Variants in ANGPT2 observed in about 807,000 individuals in gnomAD.
The protein encoded by ANGPT2 is angiopoietin-2.
In ANGPT2, 28 loss-of-function variants were observed where a neutral mutation model predicts 62.9. The observed-to-expected ratio is 0.44, with a 90% CI of 0.33 to 0.61. The LOEUF (loss-of-function observed/expected upper bound fraction) is 0.61, where lower values mean the gene tolerates loss of function less well. Ranked by LOEUF, ANGPT2 falls within the 20% of genes least tolerant of loss-of-function variation. The pLI, the probability that ANGPT2 is intolerant of heterozygous loss-of-function variation, is 0.03. For missense variants in ANGPT2, 727 were observed against 594.9 expected, an observed-to-expected ratio of 1.22 and a Z score of -2.31; for synonymous variants, 284 against 207.8, an observed-to-expected ratio of 1.37 and a Z score of -3.15.
Position 6,501,874 on chromosome 8 carries a change from G to T in ANGPT2, c.*1227C>A, listed in dbSNP as rs1812264715. ...CCCAGCCCTGTGTTCTCAAATTTTT[G>T]GTAAATATTTAAATATATTATGAAC... On this transcript the variant is annotated 3_prime_UTR_variant, in exon 9 of 9. Transcript: ENST00000629816. The T allele has an allele frequency of 6.6e-6, 1 of 150,710 alleles. No individual in the cohort carries two copies. The highest frequency in any genetic ancestry group is 2.4e-5 in the African/African-American group (1 of 41,048). The allele number at this position is 150,710 out of a possible 1,614,324, so 9.3% of individuals were successfully genotyped here.
At chr8:6,542,421 C>A (rs1476232358) in intron 1 of ANGPT2, among the ~76,000 whole-genome samples, 1 of 151,996 alleles carries the variant, frequency 6.6e-6, no homozygotes, top group Middle Eastern at 3.4e-3. Context: ...CATTCCAAAG[C>A]TTGGTGGGCA....
intron 1 of ANGPT2, among the ~76,000 whole-genome samples, chr8:6,560,657 T>A (rs757037763): frequency 1.8e-4 from 27 of 152,204 alleles, no homozygotes; most frequent in Non-Finnish European, 3.8e-4. Context: ...AAGACGGACT[T>A]TTGAAATACC....
chr8:6,520,130 C>G (rs968048456), intron 4 of ANGPT2, 139 bp from the exon 5 acceptor site: 15 of 940,824 alleles, frequency 1.6e-5, no homozygotes, highest in Non-Finnish European at 2.3e-5. Flanking sequence ...CTTTTTTAAC[C>G]TTTCTAGAAA....
Position 6,554,635 on chromosome 8 carries a change from G to A in ANGPT2, c.288+8012C>T, listed in dbSNP as rs372306892. On this transcript the variant is annotated intron_variant, in intron 1 of 8. Transcript: ENST00000629816. ...ATATCAACTATGAATATTTTGTGGTGGTAAGTTGTCAGGTTAATGTAAAGA... is the reference window on the plus strand; with the variant it reads ...ATATCAACTATGAATATTTTGTGGTAGTAAGTTGTCAGGTTAATGTAAAGA... 4.6e-5 allele frequency among the ~76,000 whole-genome samples: 7 copies of A among 152,258 alleles called. No individual in the cohort carries two copies. The East Asian group carries it at 1.4e-3, about 29-fold the overall frequency.
intron 2 of ANGPT2, among the ~76,000 whole-genome samples, chr8:6,528,104 C>T (rs903189582): frequency 3.3e-5 from 5 of 152,068 alleles, no homozygotes; most frequent in South Asian, 2.1e-4. Context: ...ACCATGTTGG[C>T]CAGGCTGGTC....
intron 1 of ANGPT2, among the ~76,000 whole-genome samples, chr8:6,543,042 T>G (rs1821895683): frequency 6.6e-6 from 1 of 152,172 alleles, no homozygotes; most frequent in South Asian, 2.1e-4. Flanking sequence ...TTGAGAAATC[T>G]CACAGCAGGG....
Position 6,563,198 on chromosome 8 carries a change from G to A in ANGPT2, c.-264C>T, listed in dbSNP as rs774354759. ...GGGCTGTGTCAGCTTTTACAGAGCA[G>A]CTTTCACGGTCCTTTGTTCCTCTCT... On this transcript the variant is annotated 5_prime_UTR_variant, in exon 1 of 9. Transcript: ENST00000629816. 5.7e-5 allele frequency: 18 copies of A among 315,364 alleles called. No individual in the cohort carries two copies. Among genetic ancestry groups the A allele is most frequent in the Non-Finnish European group, 9.0e-5 (15 of 166,254 alleles). The allele number at this position is 315,364 out of a possible 1,614,324, so 19.5% of individuals were successfully genotyped here.
At chr8:6,534,346 A>G (rs1415883031) in intron 1 of ANGPT2, among the ~76,000 whole-genome samples, 1 of 151,940 alleles carries the variant, frequency 6.6e-6, no homozygotes, top group African/African-American at 2.4e-5. Flanking sequence ...GGATGTGTAT[A>G]GGTTATATGC....
At chr8:6,520,140 AG>A in intron 4 of ANGPT2, 149 bp from the exon 5 acceptor site, 1 of 856,108 alleles carries the variant, frequency 1.2e-6, no homozygotes, top group Non-Finnish European at 1.7e-6. Flanking sequence ...CTTTCTAGAA[AG>A]TTTCCTTTCA....
intron 3 of ANGPT2, among the ~76,000 whole-genome samples, chr8:6,524,060 T>C (rs1817885329): frequency 6.6e-6 from 1 of 152,218 alleles, no homozygotes; most frequent in Non-Finnish European, 1.5e-5. Flanking sequence ...TTTCAAAATA[T>C]AGACACTTTT....
rs538987338 is a variant in ANGPT2, at chr8:6,542,799, TTTTTTC to T, written c.289-10318_289-10313del. Reference sequence around the variant, plus strand: ...CATGATCATCTCTGAAGTGGGCAGTTTTTTTCTTTTTCCAATAAACTGAATTTACTT... The same window carrying T: ...CATGATCATCTCTGAAGTGGGCAGTTTTTTTCCAATAAACTGAATTTACTT... On this transcript the variant is annotated intron_variant, in intron 1 of 8. Transcript: ENST00000629816. Among the ~76,000 whole-genome samples the T allele has an allele frequency of 2.3e-4, 35 of 152,226 alleles. 1 individual carries two copies. In the South Asian group the frequency reaches 7.3e-3, roughly 32 times the overall value.
At chr8:6,506,939 C>A (rs1813848305) in intron 8 of ANGPT2, among the ~76,000 whole-genome samples, 1 of 151,752 alleles carries the variant, frequency 6.6e-6, no homozygotes, top group Non-Finnish European at 1.5e-5. Flanking sequence ...CTCTTGTCGT[C>A]CAGGCTGGAT....
chr8:6,522,471 T>C (rs1586336483), intron 3 of ANGPT2, among the ~76,000 whole-genome samples: 1 of 151,734 alleles, frequency 6.6e-6, no homozygotes, highest in East Asian at 2.0e-4. Context: ...AATGAGGAAA[T>C]TGAAACTTAG....
At chr8:6,505,306 TA>T (rs1813210149) in intron 8 of ANGPT2, among the ~76,000 whole-genome samples, 1 of 55,108 alleles carries the variant, frequency 1.8e-5, no homozygotes, top group African/African-American at 9.3e-5. Flanking sequence ...TATATATGTA[TA>T]TAACATATAT....
chr8:6,529,623 A>AT (rs35322987), intron 2 of ANGPT2, among the ~76,000 whole-genome samples: 34,426 of 120,874 alleles, frequency 0.28, 5,183 homozygotes, highest in Middle Eastern at 0.36. Context: ...CGCCTGGCTA[A>AT]TTTTTTTTTT....
intron 2 of ANGPT2, among the ~76,000 whole-genome samples, chr8:6,531,300 T>C (rs1819466493): frequency 6.6e-6 from 1 of 151,614 alleles, no homozygotes; most frequent in Non-Finnish European, 1.5e-5. Flanking sequence ...TTTCTTTTTT[T>C]TTTTTTGAGT....
chr8:6,527,607 T>G lies in ANGPT2; in HGVS notation c.514A>C (p.Lys172Gln). The change falls in exon 3 of 9, where the codon AAA becomes CAA. Residue 172 changes from lysine (K) to glutamine (Q), a missense_variant. Coordinates refer to ENST00000629816, the MANE Select transcript of ANGPT2 (RefSeq NM_001118887.2). ...EHSLSTNKLE[K>Q]QILDQTSEIN... is the part of the protein sequence containing the mutation. ...TCACTGGTCTGGTCCAAAATCTGTTTTTCCAATTTGTTTGTCGAGAGGGAG... is the reference window on the plus strand; with the variant it reads ...TCACTGGTCTGGTCCAAAATCTGTTGTTCCAATTTGTTTGTCGAGAGGGAG... 6.2e-7 allele frequency: 1 copy of G among 1,614,112 alleles called. No homozygotes were observed. Among genetic ancestry groups the G allele is most frequent in the Non-Finnish European group, 8.5e-7 (1 of 1,179,996 alleles).
At position 6,503,169 on chromosome 8, in the gene ANGPT2, A is replaced by T; in HGVS notation, c.1420T>A (p.Tyr474Asn). 1 of 1,614,152 alleles carries T rather than the reference A, an allele frequency of 6.2e-7. No homozygotes were observed. ...GAATAGCCTGAGCCTTTCCAGTAGTACCATTTAATGCCGTTGAACTTATTT... is the reference window on the plus strand; with the variant it reads ...GAATAGCCTGAGCCTTTCCAGTAGTTCCATTTAATGCCGTTGAACTTATTT... ...NTNKFNGIKW[Y>N]YWKGSGYSLK... is the part of the protein sequence containing the mutation. Residue 474 changes from tyrosine (Y) to asparagine (N), a missense_variant, in exon 9 of 9, where the codon TAC becomes AAC. By Grantham distance (143) the Tyr-to-Asn change is moderately radical. Coordinates refer to ENST00000629816, the MANE Select transcript of ANGPT2 (RefSeq NM_001118887.2).
At chr8:6,537,578 A>G (rs1820739025) in intron 1 of ANGPT2, among the ~76,000 whole-genome samples, 3 of 151,858 alleles carry the variant, frequency 2.0e-5, no homozygotes, top group South Asian at 2.1e-4. Context: ...ATTAATATAT[A>G]TATATTTTAG....
Sources: allele counts gnomAD v4.1 joint callset (sites outside exome capture counted in the v4.1 genomes callset), GRCh38; gene constraint gnomAD v4.1.1; transcripts MANE v1.5; gene names NCBI Gene and HGNC (gene_info 2026-07-23, HGNC 2026-07-21).